The following PCDH11X variants were observed in gnomAD, a reference collection of about 807,000 sequenced individuals.
The protein encoded by PCDH11X is protocadherin-11 X-linked.
A neutral mutation model predicts 53.3 loss-of-function variants in PCDH11X; 18 were observed. The ratio of observed to expected loss-of-function variants is 0.34; its 90% CI spans 0.23 to 0.50. PCDH11X has a LOEUF of 0.50. Among genes scored for constraint, PCDH11X ranks in the 20% least tolerant of loss-of-function variants. The pLI is 0.98. For synonymous variants in PCDH11X, 279 were observed against 393.3 expected (o/e 0.71, Z 3.44); for missense variants, 570 against 1,032.4 (o/e 0.55, Z 6.14).
chrX:92,415,535 C>T (rs2071789470), intron 9 of PCDH11X, among the ~76,000 whole-genome samples: 1 of 111,213 alleles, frequency 9.0e-6, no homozygotes, highest in African/African-American at 3.3e-5. Context: ...TTTACTTTTA[C>T]TCTGTATAAA....
At chrX:92,193,292 T>C (rs1165906170) in intron 6 of PCDH11X, among the ~76,000 whole-genome samples, 1 of 111,811 alleles carries the variant, frequency 8.9e-6, no homozygotes. Flanking sequence ...TAGTGGTGAA[T>C]CATCTCAGTA....
At chrX:92,493,550 A>C (rs1167071530) in intron 10 of PCDH11X, among the ~76,000 whole-genome samples, 1 of 110,200 alleles carries the variant, frequency 9.1e-6, no homozygotes, top group Non-Finnish European at 1.9e-5. Context: ...TTTAGGAACA[A>C]AGTTATGAGA....
intron 9 of PCDH11X, among the ~76,000 whole-genome samples, chrX:92,406,738 A>G (rs148079314): frequency 0.11 from 11,350 of 98,995 alleles, 1,215 homozygotes; most frequent in East Asian, 0.63. Context: ...ATCTTGGCCA[A>G]CATGGTGAAA....
At chrX:92,015,063 C>A (rs1357769166) in intron 6 of PCDH11X, among the ~76,000 whole-genome samples, 8 of 111,610 alleles carry the variant, frequency 7.2e-5, no homozygotes, top group Non-Finnish European at 1.5e-4. Flanking sequence ...ACATGTCATG[C>A]TGCAAAAAAA....
At chrX:91,862,028 G>A (rs371697317) in intron 5 of PCDH11X, among the ~76,000 whole-genome samples, 4 of 110,584 alleles carry the variant, frequency 3.6e-5, no homozygotes, top group South Asian at 4.0e-4. Flanking sequence ...TGGCACCACC[G>A]CCACTCATCT....
chrX:92,348,170 ATTGAATCAGCT>A (rs1257317877), intron 8 of PCDH11X, among the ~76,000 whole-genome samples: 10 of 111,773 alleles, frequency 8.9e-5, no homozygotes, highest in Non-Finnish European at 1.3e-4. Flanking sequence ...TCCTGAAGTA[ATTGAATCAGCT>A]TTGTTATTTT....
intron 10 of PCDH11X, among the ~76,000 whole-genome samples, chrX:92,503,869 A>G (rs1485670190): frequency 1.8e-5 from 2 of 109,437 alleles, no homozygotes; most frequent in African/African-American, 3.3e-5. Context: ...TTAAAATAAA[A>G]GTCGAATTAA....
intron 8 of PCDH11X, among the ~76,000 whole-genome samples, chrX:92,274,144 G>A (rs139660814): frequency 0.033 from 3,539 of 106,744 alleles, 113 homozygotes; most frequent in East Asian, 0.27. Context: ...AAAAAGGAGC[G>A]TCTATACAGG....
At chrX:92,484,512 A>G (rs908627941) in intron 10 of PCDH11X, among the ~76,000 whole-genome samples, 11 of 106,850 alleles carry the variant, frequency 1.0e-4, no homozygotes, top group African/African-American at 3.1e-4. Flanking sequence ...AGGTGGTATC[A>G]TATATATATA....
At position 92,620,145 on chromosome X, in the gene PCDH11X, G is replaced by A. The variant is rs1026977369; in HGVS notation, c.*1205G>A. 9.1e-6 allele frequency: 1 copy of A among 110,305 alleles called. No homozygotes were observed. The highest frequency in any genetic ancestry group is 1.9e-5 in the Non-Finnish European group (1 of 52,747). 9.1% of individuals were successfully genotyped at this position (110,305 alleles called of 1,213,427 possible). A position where few individuals can be genotyped will look rare whatever the true frequency, so the allele number is the denominator to read the frequency against. On this transcript the variant is annotated 3_prime_UTR_variant, in exon 11 of 11. Transcript: ENST00000682573. ...ATCAAACAGAATTTTAAGGAAAAATGCAGAGGGAGAAATAAGGCACATGAC... is the reference window on the plus strand; with the variant it reads ...ATCAAACAGAATTTTAAGGAAAAATACAGAGGGAGAAATAAGGCACATGAC...
At chrX:92,361,851 C>T (rs1039574350) in intron 8 of PCDH11X, among the ~76,000 whole-genome samples, 14 of 109,039 alleles carry the variant, frequency 1.3e-4, no homozygotes, top group African/African-American at 4.7e-4. Flanking sequence ...CACTGGCAAG[C>T]ACCATTTTAC....
In PCDH11X at chrX:91,878,921, A is replaced by G. The variant is rs1456284641; in HGVS notation, c.2681A>G (p.Asp894Gly). ...GTCACTATTGAAGAAACTAAGGCAG[A>G]TGATGTTGACAGTGATGGAAACAGA... ...NFVTIEETKADDVDSDGNRVT... is the reference protein window; with the variant it reads ...NFVTIEETKAGDVDSDGNRVT... Residue 894 changes from aspartate (D) to glycine (G), a missense_variant, in exon 6 of 11, where the codon GAT becomes GGT. Physicochemically the swap from Asp to Gly is moderately conservative, Grantham distance 94. Coordinates refer to ENST00000682573, the MANE Select transcript of PCDH11X (RefSeq NM_032968.5). 5.0e-6 allele frequency: 6 copies of G among 1,210,119 alleles called. No individual in the cohort carries two copies. The highest frequency in any genetic ancestry group is 5.9e-5 in the East Asian group (2 of 33,764).
intron 6 of PCDH11X, among the ~76,000 whole-genome samples, chrX:92,073,048 C>G (rs113559925): frequency 9.0e-6 from 1 of 110,849 alleles, no homozygotes; most frequent in East Asian, 2.9e-4. Context: ...TGGCTGAGTT[C>G]GGCATTTATT....
At chrX:92,175,789 C>CCAGTG (rs2065899864) in intron 6 of PCDH11X, among the ~76,000 whole-genome samples, 1 of 70,418 alleles carries the variant, frequency 1.4e-5, no homozygotes, top group Non-Finnish European at 2.7e-5. Context: ...TATATATACA[C>CCAGTG]ACACACACAC....
At chrX:92,177,960 C>T (rs1230971754) in intron 6 of PCDH11X, among the ~76,000 whole-genome samples, 1 of 110,561 alleles carries the variant, frequency 9.0e-6, no homozygotes, top group East Asian at 2.8e-4. Context: ...GATTTCCAGC[C>T]ACCATTACCA....
chrX:92,615,284 G>A (rs1176298393), intron 10 of PCDH11X, among the ~76,000 whole-genome samples: 2 of 110,874 alleles, frequency 1.8e-5, no homozygotes, highest in East Asian at 5.8e-4. Flanking sequence ...GAAAAGTGGG[G>A]CAACTCAGAT....
intron 6 of PCDH11X, among the ~76,000 whole-genome samples, chrX:92,121,809 T>C (rs1371259451): frequency 9.1e-6 from 1 of 109,654 alleles, no homozygotes; most frequent in Non-Finnish European, 1.9e-5. Context: ...CACTGCAACC[T>C]CCACCTTCCG....
chrX:91,988,672 G>C (rs2062264964), intron 6 of PCDH11X, among the ~76,000 whole-genome samples: 1 of 112,995 alleles, frequency 8.8e-6, no homozygotes, highest in African/African-American at 3.2e-5. Flanking sequence ...TAAATGAACT[G>C]CCTGGATATT....
intron 5 of PCDH11X, among the ~76,000 whole-genome samples, chrX:91,836,583 A>G (rs1055877010): frequency 1.8e-5 from 2 of 110,849 alleles, no homozygotes; most frequent in African/African-American, 6.6e-5. Context: ...AGGTAAGGCA[A>G]GGTCTTTAGC....
Sources: allele counts gnomAD v4.1 joint callset (sites outside exome capture counted in the v4.1 genomes callset), GRCh38; gene constraint gnomAD v4.1.1; transcripts MANE v1.5; gene names NCBI Gene and HGNC (gene_info 2026-07-23, HGNC 2026-07-21).